Variants in MIAT observed in about 807,000 individuals in gnomAD.
The protein encoded by MIAT is MI related novel mRNA.
In MIAT at chr22:26,654,914, G is replaced by GT. The variant is rs547117848; in HGVS notation, n.646+7604dup. 1.4e-4 allele frequency among the ~76,000 whole-genome samples: 22 copies of GT among 152,138 alleles called. No individual in the cohort carries two copies. The South Asian group carries it at 4.4e-3, about 30-fold the overall frequency. On this transcript the variant is annotated intron_variant and non_coding_transcript_variant, in intron 2 of 5. Transcript: ENST00000643270. ...TTTTTAGTAGAGATGGGGTTTCACC[G>GT]TATTAGCCAGGATGGTCTCGATCTC...
chr22:26,653,694 A>C (rs769713166), intron 2 of MIAT, among the ~76,000 whole-genome samples: 2 of 152,152 alleles, frequency 1.3e-5, no homozygotes, highest in African/African-American at 2.4e-5. Flanking sequence ...ACCTTCTTGG[A>C]CCCTCACTGG....
At chr22:26,663,371 C>A in exon 3 of MIAT, 1 of 398,662 alleles carries the variant, frequency 2.5e-6, no homozygotes, top group East Asian at 3.6e-5. Flanking sequence ...GCCACCATGA[C>A]CCCGTCGGCA....
intron 2 of MIAT, among the ~76,000 whole-genome samples, chr22:26,661,396 G>A (rs1930656500): frequency 6.6e-6 from 1 of 152,186 alleles, no homozygotes; most frequent in African/African-American, 2.4e-5. Flanking sequence ...GTGGTGCCAG[G>A]TGGGCCCCTC....
chr22:26,675,044 C>T, exon 5 of MIAT: 1 of 398,774 alleles, frequency 2.5e-6, no homozygotes, highest in Non-Finnish European at 4.4e-6. Flanking sequence ...AGGCGTGTGC[C>T]AGGCATTGGG....
rs897721908 is a variant in MIAT, at chr22:26,653,099, G to A, written n.646+5788G>A. On this transcript the variant is annotated intron_variant and non_coding_transcript_variant, in intron 2 of 5. Transcript: ENST00000643270. ...AACTGCAAAGGATGTCCAACCCTCCGTAGGGAAATGGAAGATGCTAGGGAA... is the reference window on the plus strand; with the variant it reads ...AACTGCAAAGGATGTCCAACCCTCCATAGGGAAATGGAAGATGCTAGGGAA... Among the ~76,000 whole-genome samples the A allele has an allele frequency of 9.9e-5, 15 of 152,158 alleles. 1 individual carries two copies. Among genetic ancestry groups the A allele is most frequent in the Admixed American group, 5.9e-4 (9 of 15,272 alleles).
chr22:26,667,364 A>ATG (rs1351964916), intron 5 of MIAT: 1 of 367,668 alleles, frequency 2.7e-6, no homozygotes, highest in Non-Finnish European at 4.8e-6. Context: ...GCGTGTGCAC[A>ATG]TGTGTGTGCA....
downstream of MIAT, chr22:26,672,141 G>A (rs898555241): frequency 4.8e-5 from 19 of 399,780 alleles, no homozygotes; most frequent in East Asian, 4.3e-4. Context: ...TCCTGTGTGT[G>A]TCTGCTGAGG....
chr22:26,657,549 G>C (rs1930507777), intron 2 of MIAT: 1 of 398,676 alleles, frequency 2.5e-6, no homozygotes, highest in South Asian at 1.3e-4. Context: ...CGAGTGCGGG[G>C]AGGAGTTTGA....
downstream of MIAT, chr22:26,671,524 C>T: frequency 2.5e-6 from 1 of 398,360 alleles, no homozygotes; most frequent in Non-Finnish European, 4.4e-6. Flanking sequence ...CTACTAACCA[C>T]CCCCCCGCAG....
chr22:26,652,110 C>T (rs1602354089), intron 2 of MIAT, among the ~76,000 whole-genome samples: 2 of 152,180 alleles, frequency 1.3e-5, no homozygotes, highest in Non-Finnish European at 2.9e-5. Flanking sequence ...CCTCTTTGCT[C>T]AGCCGTCCAC....
chr22:26,659,325 T>C (rs1195836043), intron 2 of MIAT, among the ~76,000 whole-genome samples: 1 of 152,198 alleles, frequency 6.6e-6, no homozygotes, highest in East Asian at 1.9e-4. Context: ...AATTTCATGT[T>C]GAAAGCATTT....
At chr22:26,666,660 C>A in exon 4 of MIAT, 1 of 398,620 alleles carries the variant, frequency 2.5e-6, no homozygotes, top group Non-Finnish European at 4.4e-6. Flanking sequence ...GTGAAGGGAA[C>A]CTGGGAACCC....
chr22:26,676,127 GT>G, exon 5 of MIAT: 1 of 397,952 alleles, frequency 2.5e-6, no homozygotes, highest in African/African-American at 2.1e-5. Context: ...TTCTTAATAG[GT>G]TGTGCTGTGG....
exon 4 of MIAT, chr22:26,666,764 C>A (rs1437188319): frequency 5.0e-6 from 2 of 398,580 alleles, no homozygotes; most frequent in Non-Finnish European, 8.8e-6. Context: ...CCTGGTCCTT[C>A]TTTCTTCAGC....
intron 3 of MIAT, chr22:26,663,487 C>A: frequency 2.5e-6 from 1 of 396,940 alleles, no homozygotes; most frequent in Non-Finnish European, 4.4e-6. Context: ...ATCCGTATGT[C>A]CTGAGACCTC....
Position 26,666,570 on chromosome 22 carries a change from A to G in MIAT, n.1769A>G, listed in dbSNP as rs963071006. ...ATTCCTGACTCTCCGTTCAGCTGCT[A>G]TTCAGCTATCACCAAGCTGCTGAGT... On this transcript the variant is annotated non_coding_transcript_exon_variant, in exon 4 of 6. Transcript: ENST00000643270. The G allele has an allele frequency of 3.0e-5, 12 of 398,560 alleles. No individual in the cohort carries two copies. In the South Asian group the frequency reaches 7.6e-4, roughly 25 times the overall value. 24.7% of individuals were successfully genotyped at this position (398,560 alleles called of 1,614,324 possible).
chr22:26,669,754 G>T, downstream of MIAT: 3 of 399,000 alleles, frequency 7.5e-6, no homozygotes, highest in Non-Finnish European at 1.3e-5. Flanking sequence ...GACACGGAGA[G>T]TGGCAGGTAC....
intron 2 of MIAT, among the ~76,000 whole-genome samples, chr22:26,659,482 A>C (rs929437292): frequency 1.3e-5 from 2 of 152,162 alleles, no homozygotes; most frequent in African/African-American, 4.8e-5. Context: ...ACAGTCCCCC[A>C]AAACAACCAT....
At chr22:26,675,624 G>T in exon 5 of MIAT, 1 of 398,660 alleles carries the variant, frequency 2.5e-6, no homozygotes, top group South Asian at 1.3e-4. Flanking sequence ...AAGTAAAGAG[G>T]ACCAAGGTGA....
Sources: gnomAD v4.1 joint callset for allele counts (sites outside exome capture counted in the v4.1 genomes callset) on GRCh38, gnomAD v4.1.1 for gene constraint, MANE v1.5 for transcripts, NCBI Gene and HGNC (gene_info 2026-07-23, HGNC 2026-07-21) for gene names.